Variants in NKTR observed in about 807,000 individuals in gnomAD.
NKTR encodes natural killer cell triggering receptor, also known as NK-tumor recognition protein.
In NKTR, 67 loss-of-function variants were observed where a neutral mutation model predicts 156.3. The ratio of observed to expected loss-of-function variants is 0.43; its 90% CI spans 0.35 to 0.53. The LOEUF is 0.53. Ranked by LOEUF, NKTR falls within the 20% of genes least tolerant of loss-of-function variation. NKTR has a pLI of 0.01. For synonymous variants in NKTR, 640 were observed against 596.6 expected (o/e 1.07, Z -1.06); for missense variants, 1,604 against 1,730.9 (o/e 0.93, Z 1.30).
chr3:42,632,190 C>T (rs1708981003), intron 8 of NKTR, among the ~76,000 whole-genome samples: 1 of 151,096 alleles, frequency 6.6e-6, no homozygotes, highest in Admixed American at 6.6e-5. Context: ...CTGCCTCAGC[C>T]TCTGGAGTAG....
At position 42,647,336 on chromosome 3, in the gene NKTR, C is replaced by A; in HGVS notation, c.*1361C>A. The A allele has an allele frequency of 7.8e-6, 1 of 128,356 alleles. No individual in the cohort carries two copies. The highest frequency in any genetic ancestry group is 1.6e-5 in the Non-Finnish European group (1 of 62,088). The allele number at this position is 128,356 out of a possible 1,614,324, so 8.0% of individuals were successfully genotyped here. A position where few individuals can be genotyped will look rare whatever the true frequency, so the allele number is the denominator to read the frequency against. On this transcript the variant is annotated 3_prime_UTR_variant, in exon 17 of 17. Transcript: ENST00000232978. ...TTTTAATCTTTACTTTGAATTTGTT[C>A]CCCAAGTGTACTTAATCACCTTAGT...
chr3:42,634,938 C>G (rs1173228002), intron 11 of NKTR: 2 of 446,904 alleles, frequency 4.5e-6, no homozygotes, highest in South Asian at 4.5e-5. Context: ...GCTGAGAAAT[C>G]ATTAAGACTT....
At chr3:42,617,937 G>T (rs1424530832) in intron 3 of NKTR, among the ~76,000 whole-genome samples, 1 of 152,006 alleles carries the variant, frequency 6.6e-6, no homozygotes, top group Non-Finnish European at 1.5e-5. Context: ...ATTCAAAACT[G>T]ATTTGGTAGA....
At chr3:42,643,549 T>C (rs1464826673) in intron 15 of NKTR, 154 bp downstream of exon 15, 15 of 667,312 alleles carry the variant, frequency 2.2e-5, no homozygotes, top group South Asian at 1.9e-4. Context: ...GTTCGACAAG[T>C]TTTATCTGTT....
chr3:42,612,273 A>G (rs1269412478), intron 2 of NKTR: 3 of 152,098 alleles, frequency 2.0e-5, no homozygotes, highest in Non-Finnish European at 4.4e-5. Context: ...ATACACAGAA[A>G]ATTAATGAAA....
intron 9 of NKTR, chr3:42,633,319 GGTGT>G: frequency 8.3e-7 from 1 of 1,210,602 alleles, no homozygotes; most frequent in South Asian, 1.9e-5. Context: ...TGGGATTACA[GGTGT>G]GAGCCACAAT....
chr3:42,638,384 G>T lies in NKTR; in HGVS notation c.2680G>T (p.Asp894Tyr). 6.2e-7 allele frequency: 1 copy of T among 1,613,982 alleles called. No individual in the cohort carries two copies. The highest frequency in any genetic ancestry group is 8.5e-7 in the Non-Finnish European group (1 of 1,179,990). ...KWDSESNSER[D>Y]VTKNSKNDSH... ...GGACTCTGAGTCAAATTCAGAACGA[G>T]ATGTCACTAAAAACAGTAAAAATGA... Residue 894 changes from aspartate (D) to tyrosine (Y), a missense_variant, in exon 13 of 17, where the codon GAT becomes TAT. Asp to Tyr is a radical substitution (Grantham distance 160, BLOSUM62 -3). Transcript: ENST00000232978.
chr3:42,627,899 A>G, intron 6 of NKTR: 1 of 985,166 alleles, frequency 1.0e-6, no homozygotes, highest in Non-Finnish European at 1.2e-6. Flanking sequence ...TTTTAATTGA[A>G]GATTTTGAAA....
chr3:42,642,668 G>A lies in NKTR; in HGVS notation c.4142+72G>A, dbSNP rs1033820063. Reference sequence around the variant, plus strand: ...TTTTTAAGGCTACATAGGCAGAGGGGGTAGTTGTTGAGAAGAATCATGTCA... The same window carrying A: ...TTTTTAAGGCTACATAGGCAGAGGGAGTAGTTGTTGAGAAGAATCATGTCA... On this transcript the variant is annotated intron_variant, in intron 14 of 16. Transcript: ENST00000232978. The A allele has an allele frequency of 1.7e-5, 18 of 1,039,684 alleles. No homozygotes were observed. In the East Asian group the frequency reaches 3.6e-4, roughly 21 times the overall value. The allele number at this position is 1,039,684 out of a possible 1,614,324, so 64.4% of individuals were successfully genotyped here. A position where few individuals can be genotyped will look rare whatever the true frequency, so the allele number is the denominator to read the frequency against.
chr3:42,605,322 A>G (rs903907442), intron 2 of NKTR, among the ~76,000 whole-genome samples: 5 of 152,206 alleles, frequency 3.3e-5, no homozygotes, highest in African/African-American at 1.2e-4. Flanking sequence ...AGTATGTTTA[A>G]CTGTATACAT....
intron 5 of NKTR, chr3:42,620,618 G>C (rs1164446518): frequency 9.2e-6 from 9 of 983,384 alleles, no homozygotes; most frequent in Non-Finnish European, 1.1e-5. Flanking sequence ...AAGAAGATTT[G>C]TTTGTATGAA....
chr3:42,619,028 G>A lies in NKTR; in HGVS notation c.142G>A (p.Gly48Ser). The change falls in exon 4 of 17, where the codon GGC (glycine) becomes AGC (serine). Residue 48 changes from glycine (G) to serine (S), a missense_variant. Coordinates refer to ENST00000232978, the MANE Select transcript of NKTR (RefSeq NM_005385.4). ...NFLCLCSGEK[G>S]LGKTTGKKLC... ...TTTTTTTTTTTTTCCAGGAGAGAAA[G>A]GCCTTGGGAAAACAACTGGGAAGAA... 1 of 1,572,256 alleles carries A rather than the reference G, an allele frequency of 6.4e-7. No individual in the cohort carries two copies. Among genetic ancestry groups the A allele is most frequent in the Non-Finnish European group, 8.6e-7 (1 of 1,163,592 alleles).
intron 6 of NKTR, 146 bp from the exon 7 acceptor site, chr3:42,630,400 G>T: frequency 1.4e-6 from 2 of 1,463,390 alleles, no homozygotes; most frequent in African/African-American, 1.4e-5. Flanking sequence ...GGTTTTTAAG[G>T]TTAGATATAT....
At chr3:42,642,059 T>TTA (rs937722319) in intron 13 of NKTR, among the ~76,000 whole-genome samples, 1 of 152,058 alleles carries the variant, frequency 6.6e-6, no homozygotes, top group Admixed American at 6.5e-5. Context: ...TAAAATACTT[T>TTA]TATATATATA....
intron 7 of NKTR, 103 bp from the exon 8 acceptor site, chr3:42,631,068 T>C: frequency 6.7e-7 from 1 of 1,481,794 alleles, no homozygotes; most frequent in East Asian, 2.3e-5. Flanking sequence ...TTTGGTTTTA[T>C]TTTCAGGTCT....
chr3:42,608,354 C>T (rs187494571), intron 2 of NKTR, among the ~76,000 whole-genome samples: 1 of 152,248 alleles, frequency 6.6e-6, no homozygotes, highest in East Asian at 1.9e-4. Context: ...TTTGCTAGAG[C>T]AGCTCACAGA....
In NKTR at chr3:42,601,103, C is replaced by T. The variant is rs551590709; in HGVS notation, c.58+39C>T. On this transcript the variant is annotated intron_variant, in intron 2 of 16. Coordinates refer to ENST00000232978, the MANE Select transcript of NKTR (RefSeq NM_005385.4). ...TGGGGAGCGCTGCTGGGGCCGAGGC[C>T]TGCCTTGGCGAAGGGGAGGGGTCTA... The T allele has an allele frequency of 3.3e-6, 5 of 1,512,012 alleles. No individual in the cohort carries two copies. In the South Asian group the frequency reaches 6.2e-5, roughly 19 times the overall value. The allele number at this position is 1,512,012 out of a possible 1,614,324, so 93.7% of individuals were successfully genotyped here.
In NKTR at chr3:42,642,592, C is replaced by T. The variant is rs1214437002; in HGVS notation, c.4138C>T (p.His1380Tyr). ...RSSSYRSYKS[H>Y]RTSSRSRSRS... ...CAGTTCCTACCGGAGTTACAAAAGT[C>T]ACAGGTGAGCTTGTGATCTCACCCT... is the stretch of plus-strand genomic sequence containing the variant. The change falls in exon 14 of 17, where the codon CAC (histidine) becomes TAC (tyrosine). Residue 1380 changes from histidine (H) to tyrosine (Y), a missense_variant. His to Tyr is a moderately conservative substitution (Grantham distance 83). Coordinates refer to ENST00000232978, the MANE Select transcript of NKTR (RefSeq NM_005385.4). 2 of 1,613,032 alleles carry T rather than the reference C, an allele frequency of 1.2e-6. No individual in the cohort carries two copies. The highest frequency in any genetic ancestry group is 1.7e-6 in the Non-Finnish European group (2 of 1,178,968).
chr3:42,608,758 G>T (rs1189455156), intron 2 of NKTR, among the ~76,000 whole-genome samples: 3 of 152,164 alleles, frequency 2.0e-5, no homozygotes, highest in Non-Finnish European at 4.4e-5. Context: ...CTATCTGGGG[G>T]TCTGCCAAGA....
Sources: gnomAD v4.1 joint callset for allele counts (sites outside exome capture counted in the v4.1 genomes callset) on GRCh38, gnomAD v4.1.1 for gene constraint, MANE v1.5 for transcripts, NCBI Gene and HGNC (gene_info 2026-07-23, HGNC 2026-07-21) for gene names.